Variants in RAB31 observed in about 807,000 individuals in gnomAD.
RAB31 encodes the protein ras-related protein Rab-31.
In RAB31, 21 loss-of-function variants were observed where a neutral mutation model predicts 25.6. The ratio of observed to expected loss-of-function variants is 0.82; its 90% CI spans 0.58 to 1.18. The LOEUF (loss-of-function observed/expected upper bound fraction) is 1.18, where lower values mean the gene tolerates loss of function less well. Among genes scored for constraint, RAB31 ranks in the 50% most tolerant of loss-of-function variants. The pLI is 0.00. For synonymous variants in RAB31, 87 were observed against 84.0 expected, an observed-to-expected ratio of 1.04 and a Z score of -0.20; for missense variants, 196 against 250.1, an observed-to-expected ratio of 0.78 and a Z score of 1.46.
chr18:9,845,937 C>T (rs906665145), intron 6 of RAB31, among the ~76,000 whole-genome samples: 1 of 152,130 alleles, frequency 6.6e-6, no homozygotes, highest in African/African-American at 2.4e-5. Context: ...TGAAGTAATC[C>T]TGTTGCAAAA....
chr18:9,842,123 C>T (rs563436947), intron 5 of RAB31, among the ~76,000 whole-genome samples: 76 of 152,244 alleles, frequency 5.0e-4, no homozygotes, highest in African/African-American at 1.7e-3. Flanking sequence ...AAGGAGCTTC[C>T]AGCCTCTCAG....
At chr18:9,719,291 A>T (rs1185132113) in intron 1 of RAB31, among the ~76,000 whole-genome samples, 1 of 58,138 alleles carries the variant, frequency 1.7e-5, no homozygotes, top group Non-Finnish European at 3.8e-5. Flanking sequence ...AAAAAAAAAA[A>T]AAAAAAAATA....
chr18:9,714,224 G>A (rs914184725), intron 1 of RAB31, among the ~76,000 whole-genome samples: 4 of 152,368 alleles, frequency 2.6e-5, no homozygotes, highest in African/African-American at 9.6e-5. Flanking sequence ...CTAGGGATCA[G>A]TTTTGTGGAA....
At chr18:9,711,806 T>C (rs575731467) in intron 1 of RAB31, among the ~76,000 whole-genome samples, 23 of 152,366 alleles carry the variant, frequency 1.5e-4, no homozygotes, top group Admixed American at 7.8e-4. Context: ...TATAAGGTGA[T>C]AGAGAACATA....
chr18:9,724,530 T>C (rs899804807), intron 1 of RAB31, among the ~76,000 whole-genome samples: 16 of 152,188 alleles, frequency 1.1e-4, no homozygotes, highest in African/African-American at 3.9e-4. Flanking sequence ...TCTTCCTTAT[T>C]AAAAATATCC....
intron 3 of RAB31, among the ~76,000 whole-genome samples, chr18:9,795,248 G>A (rs2068481240): frequency 6.6e-6 from 1 of 152,164 alleles, no homozygotes; most frequent in South Asian, 2.1e-4. Context: ...ATGCAAGATG[G>A]ATCAAAGACT....
chr18:9,817,578 G>A (rs138022243), intron 5 of RAB31, among the ~76,000 whole-genome samples: 127 of 152,212 alleles, frequency 8.3e-4, no homozygotes, highest in African/African-American at 2.9e-3. Flanking sequence ...TTGGTAGTAC[G>A]AGATGATATT....
At chr18:9,762,312 TA>T in intron 1 of RAB31, among the ~76,000 whole-genome samples, 1 of 152,332 alleles carries the variant, frequency 6.6e-6, no homozygotes, top group South Asian at 2.1e-4. Context: ...TCAGGAACAG[TA>T]AAGATTGTCT....
intron 1 of RAB31, among the ~76,000 whole-genome samples, chr18:9,747,645 T>G: frequency 6.6e-6 from 1 of 152,176 alleles, no homozygotes; most frequent in East Asian, 1.9e-4. Context: ...TCATAGGGCT[T>G]GTGCAGAGTA....
At chr18:9,720,833 T>C (rs753274041) in intron 1 of RAB31, among the ~76,000 whole-genome samples, 4 of 152,150 alleles carry the variant, frequency 2.6e-5, no homozygotes, top group Non-Finnish European at 5.9e-5. Context: ...GGTACACTGG[T>C]AATGAAATTG....
In RAB31 at chr18:9,821,203, C is replaced by T. The variant is rs533194796; in HGVS notation, c.380+5981C>T. Among the ~76,000 whole-genome samples, 3 of 152,066 alleles carry T rather than the reference C, an allele frequency of 2.0e-5. No individual in the cohort carries two copies. In the East Asian group the frequency reaches 5.8e-4, roughly 29 times the overall value. Reference sequence around the variant, plus strand: ...TAATTCCATTGTAATCTGAAACATACTTTGTATGATTTTAATTATTTTACA... The same window carrying T: ...TAATTCCATTGTAATCTGAAACATATTTTGTATGATTTTAATTATTTTACA... On this transcript the variant is annotated intron_variant, in intron 5 of 6. Coordinates refer to ENST00000578921, the MANE Select transcript of RAB31 (RefSeq NM_006868.4).
chr18:9,796,246 G>A (rs1355522326), intron 3 of RAB31, among the ~76,000 whole-genome samples: 1 of 152,154 alleles, frequency 6.6e-6, no homozygotes, highest in Non-Finnish European at 1.5e-5. Flanking sequence ...GGGAGTGGGG[G>A]TGAGCAATAA....
In RAB31 at chr18:9,861,134, T is replaced by C. The variant is rs1210102580; in HGVS notation, c.*1809T>C. ...AAAAAAAAAAAAAATGAGTTGAAAA[T>C]TGAAGTGACCTCTTTCCAGCTGAGT... is the stretch of plus-strand genomic sequence containing the variant. On this transcript the variant is annotated 3_prime_UTR_variant, in exon 7 of 7. Coordinates refer to ENST00000578921, the MANE Select transcript of RAB31 (RefSeq NM_006868.4). The C allele has an allele frequency of 6.6e-6, 1 of 151,340 alleles. No homozygotes were observed. The highest frequency in any genetic ancestry group is 1.5e-5 in the Non-Finnish European group (1 of 67,908). 9.4% of individuals were successfully genotyped at this position (151,340 alleles called of 1,614,324 possible).
At chr18:9,801,222 T>G (rs1296346024) in intron 3 of RAB31, among the ~76,000 whole-genome samples, 3 of 152,216 alleles carry the variant, frequency 2.0e-5, no homozygotes, top group Non-Finnish European at 4.4e-5. Context: ...GATATCCACT[T>G]TCCCCCAACT....
chr18:9,837,144 C>A (rs996448233), intron 5 of RAB31, among the ~76,000 whole-genome samples: 2 of 147,600 alleles, frequency 1.4e-5, no homozygotes, highest in Admixed American at 1.3e-4. Flanking sequence ...GTGAGACACA[C>A]GGGGAGATTC....
intron 6 of RAB31, among the ~76,000 whole-genome samples, chr18:9,847,421 G>A (rs1178172023): frequency 6.6e-6 from 1 of 152,160 alleles, no homozygotes; most frequent in Non-Finnish European, 1.5e-5. Flanking sequence ...TCAGCCAGGG[G>A]AGCCTGGTGC....
At chr18:9,824,254 ATGAG>A (rs2068637954) in intron 5 of RAB31, among the ~76,000 whole-genome samples, 2 of 150,358 alleles carry the variant, frequency 1.3e-5, no homozygotes, top group South Asian at 4.2e-4. Context: ...GTATGTGTGT[ATGAG>A]TGTGTGTGTA....
intron 5 of RAB31, among the ~76,000 whole-genome samples, chr18:9,824,581 C>T (rs945498828): frequency 6.6e-6 from 1 of 152,148 alleles, no homozygotes; most frequent in Non-Finnish European, 1.5e-5. Context: ...AAATGGAATT[C>T]GCCCTCCAAC....
chr18:9,836,863 G>A (rs2068707745), intron 5 of RAB31, among the ~76,000 whole-genome samples: 1 of 151,908 alleles, frequency 6.6e-6, no homozygotes, highest in Admixed American at 6.6e-5. Flanking sequence ...GAGTCAGTGT[G>A]TGAGGCATGG....
Sources: gnomAD v4.1 joint callset for allele counts (sites outside exome capture counted in the v4.1 genomes callset) on GRCh38, gnomAD v4.1.1 for gene constraint, MANE v1.5 for transcripts, NCBI Gene and HGNC (gene_info 2026-07-23, HGNC 2026-07-21) for gene names.